TCERG1L: variants seen among roughly 807,000 people sequenced by gnomAD.
The protein encoded by TCERG1L is transcription elongation regulator 1 like.
A neutral mutation model predicts 56.3 loss-of-function variants in TCERG1L; 37 were observed. The ratio of observed to expected loss-of-function variants is 0.66; its 90% CI spans 0.51 to 0.87. TCERG1L has a LOEUF of 0.87. Ranked by LOEUF, TCERG1L falls within the 40% of genes least tolerant of loss-of-function variation. The pLI, the probability that TCERG1L is intolerant of heterozygous loss-of-function variation, is 0.00. For synonymous variants in TCERG1L, 324 were observed against 326.3 expected, an observed-to-expected ratio of 0.99 and a Z score of 0.08; for missense variants, 799 against 774.2, an observed-to-expected ratio of 1.03 and a Z score of -0.38.
chr10:131,265,960 G>GT (rs1230094469), intron 3 of TCERG1L, among the ~76,000 whole-genome samples: 1 of 152,248 alleles, frequency 6.6e-6, no homozygotes, highest in African/African-American at 2.4e-5. Flanking sequence ...ATGCAATGCT[G>GT]TTTGACAGCA....
intron 4 of TCERG1L, among the ~76,000 whole-genome samples, chr10:131,194,646 C>G (rs895164371): frequency 6.6e-6 from 1 of 152,136 alleles, no homozygotes; most frequent in Admixed American, 6.5e-5. Flanking sequence ...ATGATTTCCT[C>G]TGGAAGTTTT....
intron 3 of TCERG1L, among the ~76,000 whole-genome samples, chr10:131,285,160 T>A (rs947227943): frequency 3.3e-5 from 5 of 151,944 alleles, no homozygotes; most frequent in African/African-American, 9.7e-5. Context: ...GGTGGATCAC[T>A]TGAAGTTAGG....
In TCERG1L at chr10:131,273,799, C is replaced by A. The variant is rs1425467063; in HGVS notation, c.671-13355G>T. On this transcript the variant is annotated intron_variant, in intron 3 of 11. Transcript: ENST00000368642. ...TGGGCTTCCAAAAAGGCTCTTGGAG[C>A]CAAACGGAGCTCTGGTGAGTGCTGG... is the stretch of plus-strand genomic sequence containing the variant. Among the ~76,000 whole-genome samples, 3 of 152,178 alleles carry A rather than the reference C, an allele frequency of 2.0e-5. No homozygotes were observed. In the East Asian group the frequency reaches 5.8e-4, roughly 29 times the overall value.
At chr10:131,203,375 T>A (rs2133477335) in intron 4 of TCERG1L, among the ~76,000 whole-genome samples, 1 of 150,408 alleles carries the variant, frequency 6.6e-6, no homozygotes, top group African/African-American at 2.4e-5. Context: ...TCACTTAAGA[T>A]CAGCTCACTG....
In TCERG1L at chr10:131,257,089, A is replaced by G. The variant is rs572919356; in HGVS notation, c.856+3170T>C. ...AAGAAAAAAAAAAAGTTCTGTGAGTAAGTGGAACAGGAGCAGGCTCTGCCC... is the reference window on the plus strand; with the variant it reads ...AAGAAAAAAAAAAAGTTCTGTGAGTGAGTGGAACAGGAGCAGGCTCTGCCC... On this transcript the variant is annotated intron_variant, in intron 4 of 11. Coordinates refer to ENST00000368642, the MANE Select transcript of TCERG1L (RefSeq NM_174937.4). Among the ~76,000 whole-genome samples the G allele has an allele frequency of 1.7e-3, 252 of 152,148 alleles. 1 individual carries two copies. Among genetic ancestry groups the G allele is most frequent in the African/African-American group, 5.8e-3 (241 of 41,508 alleles).
At chr10:131,141,206 G>A (rs1288031935) in intron 7 of TCERG1L, among the ~76,000 whole-genome samples, 1 of 152,180 alleles carries the variant, frequency 6.6e-6, no homozygotes, top group East Asian at 1.9e-4. Context: ...CACACCACGG[G>A]TGCTGTGATC....
In TCERG1L at chr10:131,266,733, C is replaced by A. The variant is rs1846290447; in HGVS notation, c.671-6289G>T. Among the ~76,000 whole-genome samples the A allele has an allele frequency of 2.0e-5, 3 of 152,028 alleles. No individual in the cohort carries two copies. In the South Asian group the frequency reaches 6.2e-4, roughly 32 times the overall value. Reference sequence around the variant, plus strand: ...GAGGGTAGCTTCTGCTGCAGCTGGTCAACTGGACATCTGTAGTTCTCAGCA... The same window carrying A: ...GAGGGTAGCTTCTGCTGCAGCTGGTAAACTGGACATCTGTAGTTCTCAGCA... On this transcript the variant is annotated intron_variant, in intron 3 of 11. Transcript: ENST00000368642.
intron 3 of TCERG1L, among the ~76,000 whole-genome samples, chr10:131,298,515 G>C (rs1453725349): frequency 6.6e-6 from 1 of 152,130 alleles, no homozygotes; most frequent in African/African-American, 2.4e-5. Flanking sequence ...CTGGTTTCCA[G>C]TGATTCTCCT....
chr10:131,168,770 G>A (rs1221730620), intron 4 of TCERG1L, among the ~76,000 whole-genome samples: 3 of 152,164 alleles, frequency 2.0e-5, no homozygotes, highest in Non-Finnish European at 4.4e-5. Flanking sequence ...CCCTGAGGGC[G>A]CCGGCCTCCT....
chr10:131,274,987 A>G (rs1564831354), intron 3 of TCERG1L, among the ~76,000 whole-genome samples: 1 of 152,190 alleles, frequency 6.6e-6, no homozygotes, highest in Non-Finnish European at 1.5e-5. Flanking sequence ...GCCCCACATT[A>G]TATGACTGAT....
At chr10:131,220,255 G>A (rs1207369751) in intron 4 of TCERG1L, among the ~76,000 whole-genome samples, 2 of 152,198 alleles carry the variant, frequency 1.3e-5, no homozygotes, top group Middle Eastern at 3.2e-3. Flanking sequence ...CCCAGGTGCC[G>A]CAGATGCCGT....
chr10:131,245,701 C>G (rs1054041901), intron 4 of TCERG1L, among the ~76,000 whole-genome samples: 13 of 152,246 alleles, frequency 8.5e-5, no homozygotes, highest in Non-Finnish European at 1.6e-4. Context: ...GCTCCTGCCA[C>G]TGCTCCTCGG....
chr10:131,247,998 TACAC>T (rs35721508), intron 4 of TCERG1L, among the ~76,000 whole-genome samples: 2 of 149,534 alleles, frequency 1.3e-5, no homozygotes, highest in African/African-American at 5.0e-5. Flanking sequence ...CAGGTGCACA[TACAC>T]ACACACATGC....
intron 4 of TCERG1L, among the ~76,000 whole-genome samples, chr10:131,211,457 C>T (rs558446584): frequency 1.3e-5 from 2 of 152,256 alleles, no homozygotes; most frequent in African/African-American, 4.8e-5. Context: ...ATGCTGTGGC[C>T]GGAGCTAGAT....
chr10:131,222,839 G>A (rs893767319), intron 4 of TCERG1L, among the ~76,000 whole-genome samples: 1 of 152,132 alleles, frequency 6.6e-6, no homozygotes, highest in African/African-American at 2.4e-5. Context: ...GAGAAGGCTG[G>A]GGCCTCTCCC....
At chr10:131,183,904 C>T (rs1845208579) in intron 4 of TCERG1L, among the ~76,000 whole-genome samples, 1 of 152,248 alleles carries the variant, frequency 6.6e-6, no homozygotes, top group Non-Finnish European at 1.5e-5. Flanking sequence ...GTCTGCCATG[C>T]ACTTGCAAAG....
At chr10:131,223,819 G>A (rs1014055799) in intron 4 of TCERG1L, among the ~76,000 whole-genome samples, 8 of 151,236 alleles carry the variant, frequency 5.3e-5, no homozygotes, top group African/African-American at 1.5e-4. Flanking sequence ...AGCCCCCCAC[G>A]CACCCACGAA....
chr10:131,220,393 G>A (rs1231271344), intron 4 of TCERG1L, among the ~76,000 whole-genome samples: 1 of 152,196 alleles, frequency 6.6e-6, no homozygotes, highest in Non-Finnish European at 1.5e-5. Context: ...GCAGGACGCA[G>A]GACTGACCAT....
chr10:131,166,059 C>T (rs2996071), intron 5 of TCERG1L, among the ~76,000 whole-genome samples: 151,228 of 152,352 alleles, frequency 0.99, 75,074 homozygotes, highest in Middle Eastern at 1. Flanking sequence ...ATTTTCACCA[C>T]TGAACACCTG....
Sources: gnomAD v4.1 joint callset for allele counts (sites outside exome capture counted in the v4.1 genomes callset) on GRCh38, gnomAD v4.1.1 for gene constraint, MANE v1.5 for transcripts, NCBI Gene and HGNC (gene_info 2026-07-23, HGNC 2026-07-21) for gene names.